Variants in COMMD10 observed in about 807,000 individuals in gnomAD.
COMMD10 encodes the protein COMM domain-containing protein 10.
Under a neutral mutation model 28.9 loss-of-function variants are expected in COMMD10, and 33 were observed. The observed-to-expected ratio is 1.14, with a 90% CI of 0.87 to 1.53. The LOEUF is 1.53. Ranked by LOEUF, COMMD10 falls within the 40% of genes most tolerant of loss-of-function variation. The pLI is 0.00. For missense variants in COMMD10, 310 were observed against 233.4 expected, an observed-to-expected ratio of 1.33 and a Z score of -2.14; for synonymous variants, 110 against 81.7, an observed-to-expected ratio of 1.35 and a Z score of -1.87.
At chr5:116,264,461 C>A (rs770890323) in intron 5 of COMMD10, among the ~76,000 whole-genome samples, 1 of 151,862 alleles carries the variant, frequency 6.6e-6, no homozygotes, top group Non-Finnish European at 1.5e-5. Flanking sequence ...ATTACTGTTA[C>A]ATTCACTGTA....
chr5:116,228,738 A>G (rs993825479), intron 5 of COMMD10, among the ~76,000 whole-genome samples: 1 of 152,014 alleles, frequency 6.6e-6, no homozygotes, highest in Non-Finnish European at 1.5e-5. Flanking sequence ...TTATTAAAAT[A>G]AGATCTTTTA....
intron 5 of COMMD10, among the ~76,000 whole-genome samples, chr5:116,278,104 C>G (rs1750968369): frequency 6.6e-6 from 1 of 151,700 alleles, no homozygotes; most frequent in African/African-American, 2.4e-5. Context: ...GTACCTATTA[C>G]AAATGATGTT....
rs542534091 is a variant in COMMD10, at chr5:116,233,082, G to A, written c.511-58435G>A. Among the ~76,000 whole-genome samples, 340 of 152,180 alleles carry A rather than the reference G, an allele frequency of 2.2e-3. 5 individuals are homozygous for A. Among genetic ancestry groups the A allele is most frequent in the African/African-American group, 7.9e-3 (328 of 41,488 alleles). On this transcript the variant is annotated intron_variant, in intron 5 of 6. Transcript: ENST00000274458. ...TATTGAACGCTTACGATTGGGCCAG[G>A]CACTATGCTAGGTATTTATGGTTAT...
intron 5 of COMMD10, among the ~76,000 whole-genome samples, chr5:116,145,878 C>G (rs773919412): frequency 1.3e-5 from 2 of 151,916 alleles, no homozygotes; most frequent in African/African-American, 4.8e-5. Flanking sequence ...TTGTAAGTTT[C>G]TTGAGGCCTT....
chr5:116,140,991 C>G (rs1425289634), intron 5 of COMMD10, among the ~76,000 whole-genome samples: 1 of 151,662 alleles, frequency 6.6e-6, no homozygotes, highest in Admixed American at 6.6e-5. Flanking sequence ...TGTGATAATT[C>G]AAAATATCAG....
At chr5:116,134,783 G>A (rs368632007) in intron 5 of COMMD10, among the ~76,000 whole-genome samples, 18 of 152,086 alleles carry the variant, frequency 1.2e-4, no homozygotes, top group Admixed American at 3.9e-4. Context: ...CACCTTGTCC[G>A]GCTAATTTTT....
chr5:116,109,667 A>G (rs1202383018), intron 4 of COMMD10, among the ~76,000 whole-genome samples: 1 of 152,134 alleles, frequency 6.6e-6, no homozygotes, highest in Non-Finnish European at 1.5e-5. Flanking sequence ...TGTTTTCTTG[A>G]TTTTGTTCTC....
chr5:116,241,758 G>T (rs916615838), intron 5 of COMMD10, among the ~76,000 whole-genome samples: 2 of 151,848 alleles, frequency 1.3e-5, no homozygotes, highest in Non-Finnish European at 1.5e-5. Context: ...GACTACAGGC[G>T]CCCGCCACCA....
rs1371137545 is a variant in COMMD10, at chr5:116,213,708, TA to T, written c.511-77808del. 3.9e-5 allele frequency among the ~76,000 whole-genome samples: 6 copies of T among 152,128 alleles called. No homozygotes were observed. In the South Asian group the frequency reaches 6.2e-4, roughly 16 times the overall value. On this transcript the variant is annotated intron_variant, in intron 5 of 6. Coordinates refer to ENST00000274458, the MANE Select transcript of COMMD10 (RefSeq NM_016144.4). ...AGTGAGGAAAAACTTAGATACCATA[TA>T]TTTTTTTATTAGTCTTATTTTAATT... is the stretch of plus-strand genomic sequence containing the variant.
chr5:116,193,637 A>G (rs1285118093), intron 5 of COMMD10, among the ~76,000 whole-genome samples: 1 of 152,138 alleles, frequency 6.6e-6, no homozygotes, highest in African/African-American at 2.4e-5. Context: ...TCCTAAACAT[A>G]TGCACCTAAC....
intron 4 of COMMD10, among the ~76,000 whole-genome samples, chr5:116,113,575 A>C (rs533266474): frequency 1.1e-4 from 17 of 151,752 alleles, no homozygotes; most frequent in African/African-American, 3.9e-4. Context: ...TGCTTGGCCT[A>C]GTCTATTATT....
intron 4 of COMMD10, among the ~76,000 whole-genome samples, chr5:116,119,038 T>A (rs1751335652): frequency 6.6e-6 from 1 of 152,216 alleles, no homozygotes; most frequent in African/African-American, 2.4e-5. Flanking sequence ...GTGAGAACAT[T>A]TGTTGAATGA....
chr5:116,120,581 T>A (rs1005898853), intron 4 of COMMD10, among the ~76,000 whole-genome samples: 1 of 152,178 alleles, frequency 6.6e-6, no homozygotes, highest in African/African-American at 2.4e-5. Context: ...AGTCCCTTAC[T>A]GCCCTAACCT....
At chr5:116,190,860 G>A (rs1748346950) in intron 5 of COMMD10, among the ~76,000 whole-genome samples, 2 of 152,170 alleles carry the variant, frequency 1.3e-5, no homozygotes, top group African/African-American at 4.8e-5. Context: ...TAGAGTACAA[G>A]TTGGGAAACA....
chr5:116,263,370 C>T (rs1750501282), intron 5 of COMMD10, among the ~76,000 whole-genome samples: 1 of 151,696 alleles, frequency 6.6e-6, no homozygotes, highest in Admixed American at 6.6e-5. Context: ...TCTGGCATAA[C>T]ATTACGAGAC....
chr5:116,227,921 T>G (rs747512727), intron 5 of COMMD10, among the ~76,000 whole-genome samples: 34 of 152,078 alleles, frequency 2.2e-4, no homozygotes, highest in Non-Finnish European at 3.7e-4. Flanking sequence ...TTTTTTCACC[T>G]GGTAATTTTA....
At chr5:116,142,728 T>A (rs1752232910) in intron 5 of COMMD10, among the ~76,000 whole-genome samples, 1 of 151,790 alleles carries the variant, frequency 6.6e-6, no homozygotes, top group Admixed American at 6.6e-5. Flanking sequence ...AACTTTTGTA[T>A]TACTTTAGTG....
At chr5:116,138,501 G>T (rs1027593698) in intron 5 of COMMD10, among the ~76,000 whole-genome samples, 21 of 151,646 alleles carry the variant, frequency 1.4e-4, no homozygotes, top group Non-Finnish European at 1.5e-5. Flanking sequence ...CTTAAATTTT[G>T]CTATTAATCT....
chr5:116,087,656 A>G, intron 2 of COMMD10, 69 bp downstream of exon 2: 1 of 1,139,700 alleles, frequency 8.8e-7, no homozygotes. Flanking sequence ...GATTATTTGG[A>G]GAACTTTTTG....
Sources: gnomAD v4.1 joint callset for allele counts (sites outside exome capture counted in the v4.1 genomes callset) on GRCh38, gnomAD v4.1.1 for gene constraint, MANE v1.5 for transcripts, NCBI Gene and HGNC (gene_info 2026-07-23, HGNC 2026-07-21) for gene names.